The following MRPL44 variants were observed in gnomAD, a reference collection of about 807,000 sequenced individuals.
MRPL44 encodes mitochondrial ribosomal protein L44, also known as large ribosomal subunit protein mL44.
In MRPL44, 21 loss-of-function variants were observed where a neutral mutation model predicts 25.9. The observed-to-expected ratio is 0.81, with a 90% CI of 0.58 to 1.17. MRPL44 has a LOEUF of 1.17. MRPL44 is among the 50% of genes most tolerant of loss of function. MRPL44 has a pLI of 0.00. For synonymous variants in MRPL44, 169 were observed against 151.0 expected, an observed-to-expected ratio of 1.12 and a Z score of -0.87; for missense variants, 410 against 398.9, an observed-to-expected ratio of 1.03 and a Z score of -0.24.
At chr2:223,951,163 C>T in the MRPL44 span, among the ~76,000 whole-genome samples, 1 of 152,168 alleles carries the variant, frequency 6.6e-6, no homozygotes, top group Non-Finnish European at 1.5e-5. Context: ...TGCTGCAGAT[C>T]AAGCAAATGA....
chr2:223,960,818 A>G (rs1689647540), intron 2 of MRPL44, among the ~76,000 whole-genome samples: 1 of 152,266 alleles, frequency 6.6e-6, no homozygotes, highest in Non-Finnish European at 1.5e-5. Context: ...TTTCCAAACT[A>G]TAACTCTGTG....
chr2:223,964,753 G>A (rs1215667027), intron 3 of MRPL44, among the ~76,000 whole-genome samples: 4 of 152,044 alleles, frequency 2.6e-5, no homozygotes, highest in Admixed American at 6.5e-5. Context: ...AATTTTTTAT[G>A]TTCTTTGATT....
intron 3 of MRPL44, among the ~76,000 whole-genome samples, chr2:223,965,458 G>A (rs976607333): frequency 6.6e-6 from 1 of 152,188 alleles, no homozygotes. Context: ...GATTGAATCT[G>A]ATTTAGTAAA....
the MRPL44 span, among the ~76,000 whole-genome samples, chr2:223,952,321 T>TCGCAG: frequency 1.3e-5 from 2 of 152,196 alleles, no homozygotes; most frequent in African/African-American, 4.8e-5. Flanking sequence ...CCCTCTTTTG[T>TCGCAG]CGCAGCCCTC....
intron 1 of MRPL44, 41 bp from the exon 2 acceptor site, chr2:223,959,493 G>T: frequency 7.0e-7 from 1 of 1,436,618 alleles, no homozygotes; most frequent in Non-Finnish European, 9.5e-7. Flanking sequence ...ACAGTAACAG[G>T]TTGTTCTCTT....
chr2:223,955,403 C>T (rs1204908859), upstream of MRPL44, among the ~76,000 whole-genome samples: 1 of 152,108 alleles, frequency 6.6e-6, no homozygotes, highest in Non-Finnish European at 1.5e-5. Context: ...GTAGTTATTC[C>T]TTAGCTAATC....
chr2:223,957,565 G>A lies in MRPL44; in HGVS notation c.93G>A (p.Val31=). ...APKLVPPVRG[V]KKGFRAAFRF... ...AGCTGGTCCCTCCGGTTCGGGGAGT[G>A]AAGAAGGGATTCCGCGCCGCCTTCC... Residue 31 remains valine (V), a synonymous_variant, in exon 1 of 4, where the codon GTG becomes GTA. Transcript: ENST00000258383. The A allele has an allele frequency of 6.2e-7, 1 of 1,613,970 alleles. No individual in the cohort carries two copies. Among genetic ancestry groups the A allele is most frequent in the Non-Finnish European group, 8.5e-7 (1 of 1,180,024 alleles).
At chr2:223,956,329 C>T (rs1048991646), upstream of MRPL44, among the ~76,000 whole-genome samples, 1 of 152,184 alleles carries the variant, frequency 6.6e-6, no homozygotes, top group Non-Finnish European at 1.5e-5. Context: ...CATTTAGATT[C>T]TCCCTTTTGA....
intron 1 of MRPL44, 76 bp from the exon 2 acceptor site, chr2:223,959,457 AC>A: frequency 9.1e-7 from 1 of 1,098,770 alleles, no homozygotes; most frequent in South Asian, 1.5e-5. Flanking sequence ...TAATAACATT[AC>A]AACACAGTGA....
chr2:223,963,071 G>A (rs960465341), intron 2 of MRPL44, among the ~76,000 whole-genome samples: 17 of 152,124 alleles, frequency 1.1e-4, no homozygotes, highest in Admixed American at 5.2e-4. Flanking sequence ...TTTTACATGA[G>A]TTTCTATGAG....
At chr2:223,964,028 A>T in intron 3 of MRPL44, 94 bp downstream of exon 3, 1 of 979,520 alleles carries the variant, frequency 1.0e-6, no homozygotes, top group Non-Finnish European at 1.5e-6. Flanking sequence ...ACATTCCATA[A>T]GGAATGTTAA....
the MRPL44 span, among the ~76,000 whole-genome samples, chr2:223,951,798 C>G: frequency 1.3e-5 from 2 of 152,096 alleles, no homozygotes; most frequent in Non-Finnish European, 2.9e-5. Flanking sequence ...GGACCTTGAT[C>G]TCTAAATGTC....
Position 223,963,546 on chromosome 2 carries a change from A to C in MRPL44, c.649-210A>C, listed in dbSNP as rs150470143. On this transcript the variant is annotated intron_variant, in intron 2 of 3. Transcript: ENST00000258383. ...CGGGCTTGCAAATTTTTTTAATCCA[A>C]CTATGATTTTTGCAATAAAATTAGT... Among the ~76,000 whole-genome samples the C allele has an allele frequency of 5.1e-4, 77 of 152,272 alleles. No homozygotes were observed. In the East Asian group the frequency reaches 0.01, roughly 20 times the overall value.
chr2:223,966,937 T>C lies in MRPL44; in HGVS notation c.902T>C (p.Leu301Pro), dbSNP rs1446942214. 1.2e-6 allele frequency: 2 copies of C among 1,614,062 alleles called. No individual in the cohort carries two copies. Among genetic ancestry groups the C allele is most frequent in the East Asian group, 4.5e-5 (2 of 44,890 alleles). Residue 301 changes from leucine (L) to proline (P), a missense_variant, in exon 4 of 4, where the codon CTT becomes CCT. Transcript: ENST00000258383. Reference protein sequence around the residue: ...VAEEEAARVALRKLYGFTENR... With the variant: ...VAEEEAARVAPRKLYGFTENR... ...GAAGAAGAGGCTGCTCGAGTGGCCC[T>C]TAGAAAACTTTATGGATTCACAGAA... is the stretch of plus-strand genomic sequence containing the variant.
Position 223,957,561 on chromosome 2 carries a change from G to C in MRPL44, c.89G>C (p.Gly30Ala), listed in dbSNP as rs1559183138. The C allele has an allele frequency of 6.2e-7, 1 of 1,613,978 alleles. No individual in the cohort carries two copies. Among genetic ancestry groups the C allele is most frequent in the South Asian group, 1.1e-5 (1 of 91,088 alleles). Residue 30 changes from glycine (G) to alanine (A), a missense_variant, in exon 1 of 4, where the codon GGA becomes GCA. Coordinates refer to ENST00000258383, the MANE Select transcript of MRPL44 (RefSeq NM_022915.5). The part of the protein sequence containing the change: ...VAPKLVPPVR[G>A]VKKGFRAAFR... Reference sequence around the variant, plus strand: ...CCCAAGCTGGTCCCTCCGGTTCGGGGAGTGAAGAAGGGATTCCGCGCCGCC... The same window carrying C: ...CCCAAGCTGGTCCCTCCGGTTCGGGCAGTGAAGAAGGGATTCCGCGCCGCC...
Position 223,966,876 on chromosome 2 carries a change from A to G in MRPL44, c.841A>G (p.Ile281Val). The change falls in exon 4 of 4, where the codon ATT becomes GTT. Residue 281 changes from isoleucine to valine, a missense_variant. Coordinates refer to ENST00000258383, the MANE Select transcript of MRPL44 (RefSeq NM_022915.5). ...TTCTCTTTCTAGTGATAAAAAGTTG[A>G]TTGCAGAAGGACCTGGGGAAACAGT... is the stretch of plus-strand genomic sequence containing the variant. ...FVGLYCDKKL[I>V]AEGPGETVLV... 1 of 1,612,102 alleles carries G rather than the reference A, an allele frequency of 6.2e-7. No homozygotes were observed.
rs542848397 is a variant in MRPL44 at position 223,961,770 on chromosome 2, A to G, written c.648+1768A>G. Among the ~76,000 whole-genome samples, 4 of 152,330 alleles carry G rather than the reference A, an allele frequency of 2.6e-5. No homozygotes were observed. In the East Asian group the frequency reaches 5.8e-4, roughly 22 times the overall value. Reference sequence around the variant, plus strand: ...GAGTATTCAACTCAAACCCTACTAGAAAGCTCTAATTATTAAGACCAGGAG... The same window carrying G: ...GAGTATTCAACTCAAACCCTACTAGGAAGCTCTAATTATTAAGACCAGGAG... On this transcript the variant is annotated intron_variant, in intron 2 of 3. Transcript: ENST00000258383.
chr2:223,957,136 G>C (rs766960980), upstream of MRPL44, among the ~76,000 whole-genome samples: 2 of 152,222 alleles, frequency 1.3e-5, no homozygotes, highest in Non-Finnish European at 2.9e-5. Flanking sequence ...ACAGATTTTT[G>C]TTTGTTTTGC....
rs779436306 is a variant in MRPL44 at position 223,957,523 on chromosome 2, G to A, written c.51G>A (p.Leu17=). The change falls in exon 1 of 4, where the codon CTG becomes CTA. Residue 17 remains leucine, a synonymous_variant. Coordinates refer to ENST00000258383, the MANE Select transcript of MRPL44 (RefSeq NM_022915.5). ...RLLQQGHRCL[L]APVAPKLVPP... ...TGCAGCAGGGACATCGCTGCCTCCTGGCTCCAGTCGCCCCCAAGCTGGTCC... is the reference window on the plus strand; with the variant it reads ...TGCAGCAGGGACATCGCTGCCTCCTAGCTCCAGTCGCCCCCAAGCTGGTCC... 1.9e-6 allele frequency: 3 copies of A among 1,614,098 alleles called. No individual in the cohort carries two copies. Among genetic ancestry groups the A allele is most frequent in the Non-Finnish European group, 2.5e-6 (3 of 1,180,020 alleles).
Sources: allele counts gnomAD v4.1 joint callset (sites outside exome capture counted in the v4.1 genomes callset), GRCh38; gene constraint gnomAD v4.1.1; transcripts MANE v1.5; gene names NCBI Gene and HGNC (gene_info 2026-07-23, HGNC 2026-07-21).